SQSTM1: variants seen among roughly 807,000 people sequenced by gnomAD.
SQSTM1 encodes sequestosome-1.
Under a neutral mutation model 45.1 loss-of-function variants are expected in SQSTM1, and 36 were observed. That is an observed-to-expected ratio of 0.80 (90% confidence interval 0.61 to 1.05). The LOEUF (loss-of-function observed/expected upper bound fraction) is 1.05, where lower values mean the gene tolerates loss of function less well. Among genes scored for constraint, SQSTM1 ranks in the 50% least tolerant of loss-of-function variants. SQSTM1 has a pLI of 0.00. For synonymous variants in SQSTM1, 290 were observed against 244.3 expected, an observed-to-expected ratio of 1.19 and a Z score of -1.74; for missense variants, 617 against 607.1, an observed-to-expected ratio of 1.02 and a Z score of -0.17.
intron 6 of SQSTM1, 43 bp from the exon 7 acceptor site, chr5:179,833,544 G>A (rs1373568478): frequency 6.2e-7 from 1 of 1,608,278 alleles, no homozygotes; most frequent in Admixed American, 1.7e-5. Flanking sequence ...GGCTTGGCCT[G>A]TTGCGCGTGT....
At chr5:179,825,657 A>T (rs1436784646) in intron 5 of SQSTM1, among the ~76,000 whole-genome samples, 1 of 151,926 alleles carries the variant, frequency 6.6e-6, no homozygotes, top group African/African-American at 2.4e-5. Context: ...CAACCCCCAA[A>T]CCTTTCTGGT....
upstream of SQSTM1, among the ~76,000 whole-genome samples, chr5:179,819,759 G>T (rs1252613373): frequency 6.6e-6 from 1 of 152,178 alleles, no homozygotes; most frequent in African/African-American, 2.4e-5. Flanking sequence ...GGCTGCTCTG[G>T]GCAGGGTGGA....
intron 7 of SQSTM1, 48 bp from the exon 8 acceptor site, chr5:179,836,388 T>C: frequency 6.2e-7 from 1 of 1,613,810 alleles, no homozygotes; most frequent in Non-Finnish European, 8.5e-7. Flanking sequence ...TTCGGGTCAC[T>C]CACAGGGCTC....
intron 5 of SQSTM1, among the ~76,000 whole-genome samples, chr5:179,831,523 G>A (rs2431118): frequency 0.57 from 85,809 of 151,676 alleles, 24,637 homozygotes; most frequent in East Asian, 0.77. Flanking sequence ...TTAGCTGGGC[G>A]TGGTGGCACG....
Position 179,821,007 on chromosome 5 carries a change from GCTT to G in SQSTM1, c.74_76del (p.Phe25del). The stretch of plus-strand genomic sequence containing the variant: ...GCGGCGCGCGAGATTCGCCGCTTCA[GCTT>G]CTGCTGCAGCCCCGAGCCTGAGGCG... On this transcript the variant is annotated inframe_deletion, in exon 1 of 8. Coordinates refer to ENST00000389805, the MANE Select transcript of SQSTM1 (RefSeq NM_003900.5). 6.4e-7 allele frequency: 1 copy of G among 1,573,268 alleles called. No individual in the cohort carries two copies. Among genetic ancestry groups the G allele is most frequent in the Non-Finnish European group, 8.6e-7 (1 of 1,169,198 alleles).
chr5:179,821,789 C>T (rs946873542), intron 1 of SQSTM1: 2 of 313,114 alleles, frequency 6.4e-6, no homozygotes, highest in Non-Finnish European at 1.2e-5. Context: ...AGCCCTGTTT[C>T]CTGCTGCGCT....
In SQSTM1 at chr5:179,838,008, A is replaced by G; in HGVS notation, c.*1415A>G. ...CTGACACTTTCTGCTGGAAGCTGTC[A>G]GGCTGGGACAGGCTTTGATTTTGAG... On this transcript the variant is annotated 3_prime_UTR_variant, in exon 8 of 8. Coordinates refer to ENST00000389805, the MANE Select transcript of SQSTM1 (RefSeq NM_003900.5). The G allele has an allele frequency of 1.2e-6, 1 of 859,800 alleles. No homozygotes were observed. The highest frequency in any genetic ancestry group is 1.8e-6 in the Non-Finnish European group (1 of 568,880). 53.3% of individuals were successfully genotyped at this position (859,800 alleles called of 1,614,324 possible). A position where few individuals can be genotyped will look rare whatever the true frequency, so the allele number is the denominator to read the frequency against.
chr5:179,835,681 AGAGG>A (rs1482060208), intron 7 of SQSTM1: 1 of 47,056 alleles, frequency 2.1e-5, no homozygotes, highest in Non-Finnish European at 4.9e-5. Flanking sequence ...CCGTGGAGAA[AGAGG>A]GAGAGGGAAA....
In SQSTM1 at chr5:179,824,262, A is replaced by G. The variant is rs878982215; in HGVS notation, c.612A>G (p.Gly204=). 5.0e-6 allele frequency: 8 copies of G among 1,613,724 alleles called. No individual in the cohort carries two copies. The Admixed American group carries it at 1.0e-4, about 20-fold the overall frequency. The part of the protein sequence containing the change: ...GWPGWEMGPP[G]NWSPRPPRAG... ...CAGGATGGGAAATGGGTCCACCAGG[A>G]AACTGGAGCCCACGTCCTCCTCGTG... The change falls in exon 4 of 8, where the codon GGA becomes GGG. Residue 204 remains glycine, a synonymous_variant. Transcript: ENST00000389805.
chr5:179,813,496 C>G (rs1335864961), intron 2 of SQSTM1: 1 of 152,104 alleles, frequency 6.6e-6, no homozygotes, highest in East Asian at 1.9e-4. Context: ...GGAGTGGAGG[C>G]TGAGGTTGTA....
chr5:179,831,544 C>G (rs1186961316), intron 5 of SQSTM1, among the ~76,000 whole-genome samples: 1 of 152,042 alleles, frequency 6.6e-6, no homozygotes, highest in African/African-American at 2.4e-5. Context: ...TGCCTATAGT[C>G]CCAGCTACTC....
At chr5:179,826,790 G>A (rs1265459367) in intron 5 of SQSTM1, among the ~76,000 whole-genome samples, 7 of 151,008 alleles carry the variant, frequency 4.6e-5, no homozygotes, top group Non-Finnish European at 8.9e-5. Context: ...TAGTAGAGAC[G>A]GGGTTTCACT....
intron 5 of SQSTM1, among the ~76,000 whole-genome samples, chr5:179,825,929 C>T (rs971033344): frequency 6.6e-6 from 1 of 152,180 alleles, no homozygotes; most frequent in African/African-American, 2.4e-5. Flanking sequence ...AAGCCAACTT[C>T]TAGTTCAAGA....
intron 5 of SQSTM1, among the ~76,000 whole-genome samples, chr5:179,831,195 T>G (rs1192503577): frequency 3.3e-5 from 5 of 152,254 alleles, no homozygotes; most frequent in Non-Finnish European, 4.4e-5. Context: ...GGTCACAGCA[T>G]CACAGCGCAG....
At position 179,806,704 on chromosome 5, in the gene SQSTM1, G is replaced by T. The variant is rs541223323; in HGVS notation, c.-157+113G>T. On this transcript the variant is annotated intron_variant, in intron 1 of 5. Coordinates refer to the SQSTM1 transcript ENST00000514093. This position sits in a 1 kb window ranked among gnomAD's most constrained non-coding sequence, Gnocchi z 4.6. ...GGCAGGGGCCCCGGCCCCGGGTCGG[G>T]GAGGGGCGGGGGGCCCGGGGCCGGG... 2.0e-3 allele frequency: 436 copies of T among 221,044 alleles called. 3 individuals are homozygous for T. The highest frequency in any genetic ancestry group is 2.8e-3 in the Non-Finnish European group (379 of 133,530). The allele number at this position is 221,044 out of a possible 1,614,324, so 13.7% of individuals were successfully genotyped here.
rs750782342 is a variant in SQSTM1 at position 179,833,019 on chromosome 5, C to T, written c.755-13C>T. ...GGAACTTCACGGCTTGCTCTTTCCT[C>T]CTCCGCCTCTAGGCATTGAAGTTGA... On this transcript the variant is annotated splice_polypyrimidine_tract_variant and intron_variant, in intron 5 of 7. Transcript: ENST00000389805. The T allele has an allele frequency of 5.0e-6, 8 of 1,613,920 alleles. No homozygotes were observed. Among genetic ancestry groups the T allele is most frequent in the African/African-American group, 1.3e-5 (1 of 74,920 alleles).
intron 1 of SQSTM1, chr5:179,821,636 CG>C: frequency 2.4e-6 from 1 of 415,180 alleles, no homozygotes; most frequent in Non-Finnish European, 4.8e-6. Context: ...CGCGGGGGTG[CG>C]GGGGACTCGC....
rs1190494573 is a variant in SQSTM1 at position 179,837,266 on chromosome 5, TAG to T, written c.*679_*680del. On this transcript the variant is annotated 3_prime_UTR_variant, in exon 8 of 8. Coordinates refer to ENST00000389805, the MANE Select transcript of SQSTM1 (RefSeq NM_003900.5). ...AGCACTTTAACCAATGACGTTTGCATAGAGAGAAATGATTGACAGTAAGTTTA... is the reference window on the plus strand; with the variant it reads ...AGCACTTTAACCAATGACGTTTGCATAGAGAAATGATTGACAGTAAGTTTA... The T allele has an allele frequency of 6.2e-7, 1 of 1,605,766 alleles. No individual in the cohort carries two copies.
chr5:179,832,990 T>TG (rs749916032), intron 5 of SQSTM1, 42 bp from the exon 6 acceptor site: 4 of 1,607,682 alleles, frequency 2.5e-6, no homozygotes, highest in African/African-American at 1.3e-5. Flanking sequence ...GGTGCATCCT[T>TG]GGGGGAACTT....
Sources: gnomAD v4.1 joint callset for allele counts (sites outside exome capture counted in the v4.1 genomes callset) on GRCh38, gnomAD v4.1.1 for gene constraint, Gnocchi (gnomAD v3.1) non-coding constraint, MANE v1.5 for transcripts, NCBI Gene and HGNC (gene_info 2026-07-23, HGNC 2026-07-21) for gene names.